Variants in CTNNA2 observed in about 807,000 individuals in gnomAD.
The protein encoded by CTNNA2 is catenin alpha 2.
CTNNA2 carries 42 observed loss-of-function variants against 101.0 expected under a neutral mutation model. The ratio of observed to expected loss-of-function variants is 0.42; its 90% CI spans 0.32 to 0.54. The LOEUF is 0.54. Ranked by LOEUF, CTNNA2 falls within the 20% of genes least tolerant of loss-of-function variation. CTNNA2 has a pLI of 0.14. For synonymous variants in CTNNA2, 450 were observed against 456.4 expected (o/e 0.99, Z 0.18); for missense variants, 871 against 1,223.1 (o/e 0.71, Z 4.29).
chr2:80,076,653 A>C (rs1010188401), intron 7 of CTNNA2, among the ~76,000 whole-genome samples: 2 of 150,948 alleles, frequency 1.3e-5, no homozygotes, highest in African/African-American at 4.9e-5. Flanking sequence ...CTCACTCATT[A>C]CTTCTGACTT....
At chr2:79,414,358 C>A (rs1344098278) in intron 4 of CTNNA2, among the ~76,000 whole-genome samples, 1 of 151,758 alleles carries the variant, frequency 6.6e-6, no homozygotes. Context: ...GCCTGAGGAT[C>A]AAAAAACGAG....
rs1683013629 is a variant in CTNNA2 at position 79,673,853 on chromosome 2, T to TA, written c.102+22197dup. 2.0e-5 allele frequency among the ~76,000 whole-genome samples: 3 copies of TA among 152,332 alleles called. No individual in the cohort carries two copies. The East Asian group carries it at 5.8e-4, about 29-fold the overall frequency. On this transcript the variant is annotated intron_variant, in intron 2 of 18. Transcript: ENST00000402739. Reference sequence around the variant, plus strand: ...CTCTGCTCCGTGTTTTATTTCCTAATAAGCCACAGTCAATCTTTGTGCTCA... The same window carrying TA: ...CTCTGCTCCGTGTTTTATTTCCTAATAAAGCCACAGTCAATCTTTGTGCTCA...
intron 7 of CTNNA2, among the ~76,000 whole-genome samples, chr2:79,995,888 C>CA (rs999911467): frequency 2.6e-5 from 4 of 151,596 alleles, no homozygotes; most frequent in African/African-American, 9.7e-5. Flanking sequence ...GATTTTAATT[C>CA]AAAAAAAAGT....
intron 3 of CTNNA2, among the ~76,000 whole-genome samples, chr2:79,818,918 C>CACACAT (rs1337365692): frequency 1.4e-5 from 2 of 142,808 alleles, no homozygotes; most frequent in African/African-American, 5.2e-5. Flanking sequence ...CACACACACA[C>CACACAT]ACATACACAC....
At chr2:80,201,367 C>CTTT (rs60448795) in intron 7 of CTNNA2, among the ~76,000 whole-genome samples, 459 of 80,676 alleles carry the variant, frequency 5.7e-3, no homozygotes, top group African/African-American at 8.4e-3. Context: ...CTTTTTCTTT[C>CTTT]TTTTTTTTTT....
intron 9 of CTNNA2, among the ~76,000 whole-genome samples, chr2:80,428,695 G>A (rs185764335): frequency 6.6e-6 from 1 of 152,226 alleles, no homozygotes; most frequent in Non-Finnish European, 1.5e-5. Context: ...AAATGTAAGA[G>A]TTTTGTATGT....
intron 7 of CTNNA2, among the ~76,000 whole-genome samples, chr2:79,965,827 C>CAAAAAAAAAAAAAAAAAAAAA (rs10686940): frequency 7.7e-5 from 6 of 77,990 alleles, no homozygotes; most frequent in African/African-American, 1.1e-4. Context: ...GAGACTATGT[C>CAAAAAAAAAAAAAAAAAAAAA]AAAAAAAAAA....
rs1239699778 is a variant in CTNNA2 at position 79,338,575 on chromosome 2, A to ATCTTCTTCTTCTTCTTCTTCT, written c.-318+25781_-318+25782insTTCTTCTTCTTCTTCTTCTTC. 3.5e-3 allele frequency among the ~76,000 whole-genome samples: 406 copies of ATCTTCTTCTTCTTCTTCTTCT among 115,502 alleles called. 17 individuals are homozygous for ATCTTCTTCTTCTTCTTCTTCT. The highest frequency in any genetic ancestry group is 3.8e-3 in the Non-Finnish European group (210 of 55,890). 75.8% of individuals were successfully genotyped at this position (115,502 alleles called of 152,430 possible). A position where few individuals can be genotyped will look rare whatever the true frequency, so the allele number is the denominator to read the frequency against. ...ATTTTTCTTCTTCTTCTTCCTCCTCATCATCTTCTTCTTCTTCTTCTTCTT... is the reference window on the plus strand; with the variant it reads ...ATTTTTCTTCTTCTTCTTCCTCCTCATCTTCTTCTTCTTCTTCTTCTTCATCTTCTTCTTCTTCTTCTTCTT... On this transcript the variant is annotated intron_variant, in intron 3 of 21. Transcript: ENST00000466387.
intron 9 of CTNNA2, among the ~76,000 whole-genome samples, chr2:80,437,601 G>A (rs975772134): frequency 5.3e-5 from 8 of 152,118 alleles, no homozygotes; most frequent in Admixed American, 4.6e-4. Context: ...TATTTTGTTG[G>A]CAGTTATTGT....
chr2:80,407,555 A>G (rs977722418), intron 8 of CTNNA2, among the ~76,000 whole-genome samples: 4 of 152,206 alleles, frequency 2.6e-5, no homozygotes, highest in African/African-American at 9.7e-5. Flanking sequence ...CTCACAAAGG[A>G]CAAAATCTAT....
intron 4 of CTNNA2, among the ~76,000 whole-genome samples, chr2:79,862,604 G>T (rs944970106): frequency 1.3e-5 from 2 of 152,112 alleles, no homozygotes; most frequent in African/African-American, 4.8e-5. Context: ...CAGCTGCATT[G>T]TTCATGATTT....
intron 1 of CTNNA2, among the ~76,000 whole-genome samples, chr2:79,185,688 T>C (rs1673768556): frequency 6.6e-6 from 1 of 152,204 alleles, no homozygotes; most frequent in Non-Finnish European, 1.5e-5. Context: ...TACTAGAGAA[T>C]GCTTATAATG....
At chr2:80,510,695 T>A (rs1688638670) in intron 9 of CTNNA2, among the ~76,000 whole-genome samples, 1 of 152,312 alleles carries the variant, frequency 6.6e-6, no homozygotes, top group Non-Finnish European at 1.5e-5. Flanking sequence ...AGTAAATCAA[T>A]TTTCAGGCAA....
chr2:80,095,709 A>G (rs1273050906), intron 7 of CTNNA2, among the ~76,000 whole-genome samples: 2 of 152,070 alleles, frequency 1.3e-5, no homozygotes, highest in Admixed American at 6.6e-5. Flanking sequence ...CAGAGATTCA[A>G]CTTCTTCCTG....
chr2:80,309,308 TCTC>T (rs1677313793), intron 7 of CTNNA2, among the ~76,000 whole-genome samples: 1 of 152,146 alleles, frequency 6.6e-6, no homozygotes, highest in Non-Finnish European at 1.5e-5. Flanking sequence ...TGATGGCAAA[TCTC>T]CTCTATGATT....
chr2:79,534,480 A>G (rs1414637942), intron 1 of CTNNA2, among the ~76,000 whole-genome samples: 1 of 152,030 alleles, frequency 6.6e-6, no homozygotes, highest in Admixed American at 6.6e-5. Context: ...TCAGGCTCAT[A>G]ATAGGTATTC....
chr2:79,912,865 G>A (rs556216851), intron 7 of CTNNA2, among the ~76,000 whole-genome samples: 10 of 152,084 alleles, frequency 6.6e-5, no homozygotes, highest in Non-Finnish European at 1.0e-4. Context: ...CCTTCCTTGG[G>A]AACTTATAAT....
chr2:80,591,234 G>A (rs1056849809), intron 15 of CTNNA2, among the ~76,000 whole-genome samples: 1 of 152,108 alleles, frequency 6.6e-6, no homozygotes, highest in African/African-American at 2.4e-5. Flanking sequence ...GGTGTCTTCA[G>A]TTTCATAGGG....
chr2:79,889,307 C>T (rs1337204633), intron 6 of CTNNA2, among the ~76,000 whole-genome samples: 1 of 152,184 alleles, frequency 6.6e-6, no homozygotes, highest in African/African-American at 2.4e-5. Flanking sequence ...TCACTATAAC[C>T]TATTGAGTCC....
Sources: allele counts gnomAD v4.1 joint callset (sites outside exome capture counted in the v4.1 genomes callset), GRCh38; gene constraint gnomAD v4.1.1; transcripts MANE v1.5; gene names NCBI Gene and HGNC (gene_info 2026-07-23, HGNC 2026-07-21).